Variants in SNTB1 observed in about 807,000 individuals in gnomAD.
SNTB1 encodes beta-1-syntrophin.
SNTB1 carries 36 observed loss-of-function variants against 48.9 expected under a neutral mutation model. That is an observed-to-expected ratio of 0.74 (90% CI 0.56 to 0.97). SNTB1 has a LOEUF of 0.97. Ranked by LOEUF, SNTB1 falls within the 50% of genes least tolerant of loss-of-function variation. SNTB1 has a pLI of 0.00. For synonymous variants in SNTB1, 299 were observed against 294.6 expected, an observed-to-expected ratio of 1.01 and a Z score of -0.15; for missense variants, 786 against 703.4, an observed-to-expected ratio of 1.12 and a Z score of -1.33.
At chr8:120,614,558 G>A (rs1466900221) in intron 3 of SNTB1, among the ~76,000 whole-genome samples, 1 of 152,210 alleles carries the variant, frequency 6.6e-6, no homozygotes, top group Non-Finnish European at 1.5e-5. Flanking sequence ...ACACAGCACT[G>A]TCTTGAAATG....
At chr8:120,564,564 G>GTTTTTTTTTTTT (rs71306893) in intron 4 of SNTB1, among the ~76,000 whole-genome samples, 7 of 84,214 alleles carry the variant, frequency 8.3e-5, no homozygotes, top group East Asian at 3.8e-4. Context: ...TATTATTCTG[G>GTTTTTTTTTTTT]TTTTTTTTTT....
At chr8:120,578,903 G>A (rs1399182904) in intron 3 of SNTB1, among the ~76,000 whole-genome samples, 1 of 152,154 alleles carries the variant, frequency 6.6e-6, no homozygotes, top group Non-Finnish European at 1.5e-5. Flanking sequence ...TTGGACGGGC[G>A]AGGTAGCTCA....
chr8:120,693,944 T>A, intron 1 of SNTB1, 36 bp from the exon 2 acceptor site: 1 of 1,513,008 alleles, frequency 6.6e-7, no homozygotes, highest in Non-Finnish European at 9.2e-7. Context: ...TTTTAATACA[T>A]CACGGCTGAA....
intron 4 of SNTB1, chr8:120,570,484 CT>C (rs1315417781): frequency 2.0e-5 from 3 of 152,238 alleles, no homozygotes; most frequent in Non-Finnish European, 4.4e-5. Flanking sequence ...TGTCAACCCC[CT>C]GTGGTACCAA....
chr8:120,803,311 A>G (rs1300121188), intron 1 of SNTB1, among the ~76,000 whole-genome samples: 1 of 152,120 alleles, frequency 6.6e-6, no homozygotes, highest in Non-Finnish European at 1.5e-5. Flanking sequence ...CACTTGCATG[A>G]GTCTGTTAGG....
intron 2 of SNTB1, among the ~76,000 whole-genome samples, chr8:120,640,682 T>C (rs1172111484): frequency 1.3e-5 from 2 of 152,212 alleles, no homozygotes; most frequent in African/African-American, 2.4e-5. Flanking sequence ...GGATTACATT[T>C]ATTGATTTGC....
chr8:120,575,295 C>T, intron 3 of SNTB1, 70 bp from the exon 4 acceptor site: 1 of 1,580,566 alleles, frequency 6.3e-7, no homozygotes, highest in Non-Finnish European at 8.7e-7. Context: ...GTTGGCATCC[C>T]CCTAATCAGA....
chr8:120,625,040 C>T lies in SNTB1; in HGVS notation c.996+7404G>A, dbSNP rs531281201. ...GTGCCTGAGGCAGCCCTGCTGTCTG[C>T]GTGTGAACTAACAGGAAGTGGGCTG... On this transcript the variant is annotated intron_variant, in intron 3 of 6. Transcript: ENST00000517992. Among the ~76,000 whole-genome samples the T allele has an allele frequency of 1.7e-4, 26 of 152,304 alleles. No individual in the cohort carries two copies. In the South Asian group the frequency reaches 2.5e-3, roughly 15 times the overall value.
intron 4 of SNTB1, among the ~76,000 whole-genome samples, chr8:120,573,554 AT>A (rs1815892846): frequency 6.6e-6 from 1 of 151,722 alleles, no homozygotes; most frequent in South Asian, 2.1e-4. Flanking sequence ...CCATTTATTT[AT>A]TTATTTTTGC....
At chr8:120,774,326 C>A (rs1263238776) in intron 1 of SNTB1, among the ~76,000 whole-genome samples, 1 of 152,230 alleles carries the variant, frequency 6.6e-6, no homozygotes, top group Non-Finnish European at 1.5e-5. Context: ...TGCAGCAGGG[C>A]TACCTCACTG....
chr8:120,604,988 T>C (rs1816489643), intron 3 of SNTB1, among the ~76,000 whole-genome samples: 2 of 152,160 alleles, frequency 1.3e-5, no homozygotes, highest in African/African-American at 2.4e-5. Context: ...ACTTGAAAAA[T>C]CTCAGAAGTA....
At chr8:120,666,503 C>T (rs570863264) in intron 2 of SNTB1, among the ~76,000 whole-genome samples, 144 of 151,960 alleles carry the variant, frequency 9.5e-4, no homozygotes, top group African/African-American at 3.2e-3. Context: ...CTTTTTTCTT[C>T]GGTGGCTTTT....
intron 3 of SNTB1, among the ~76,000 whole-genome samples, chr8:120,616,412 G>A (rs1256164400): frequency 6.7e-6 from 1 of 149,150 alleles, no homozygotes; most frequent in Non-Finnish European, 1.5e-5. Flanking sequence ...TGATCTTCCT[G>A]CCTCAGCCTT....
chr8:120,550,416 C>A (rs1815460123), intron 4 of SNTB1, among the ~76,000 whole-genome samples: 1 of 151,998 alleles, frequency 6.6e-6, no homozygotes, highest in Admixed American at 6.6e-5. Context: ...GTGGCATGCA[C>A]CTGTAGTCCC....
intron 4 of SNTB1, among the ~76,000 whole-genome samples, chr8:120,557,157 G>A (rs1815578351): frequency 6.6e-6 from 1 of 152,184 alleles, no homozygotes; most frequent in Non-Finnish European, 1.5e-5. Context: ...GAGTTTGTCT[G>A]GAAAAGAGAA....
chr8:120,561,385 A>G (rs1214293887), intron 4 of SNTB1, among the ~76,000 whole-genome samples: 3 of 151,360 alleles, frequency 2.0e-5, no homozygotes, highest in African/African-American at 7.3e-5. Flanking sequence ...ATTACAATGC[A>G]GACTTCAGGT....
intron 1 of SNTB1, among the ~76,000 whole-genome samples, chr8:120,704,633 C>A (rs1194135880): frequency 6.6e-6 from 1 of 152,060 alleles, no homozygotes; most frequent in Non-Finnish European, 1.5e-5. Context: ...TACAAAGCAG[C>A]TGGCCCACAC....
chr8:120,756,601 A>C (rs1445587086), intron 1 of SNTB1, among the ~76,000 whole-genome samples: 2 of 152,002 alleles, frequency 1.3e-5, no homozygotes, highest in African/African-American at 2.4e-5. Context: ...AGAATATAAA[A>C]ACTATGTTTC....
intron 2 of SNTB1, among the ~76,000 whole-genome samples, chr8:120,679,477 T>C (rs1014947090): frequency 6.6e-6 from 1 of 152,210 alleles, no homozygotes; most frequent in Non-Finnish European, 1.5e-5. Flanking sequence ...GTAAGCTAAC[T>C]AATAGTGGCC....
Sources: gnomAD v4.1 joint callset for allele counts (sites outside exome capture counted in the v4.1 genomes callset) on GRCh38, gnomAD v4.1.1 for gene constraint, MANE v1.5 for transcripts, NCBI Gene and HGNC (gene_info 2026-07-23, HGNC 2026-07-21) for gene names.